AUTS2: variants seen among roughly 807,000 people sequenced by gnomAD.
AUTS2 encodes the protein autism susceptibility gene 2 protein.
In AUTS2, 17 loss-of-function variants were observed where a neutral mutation model predicts 112.4. The observed-to-expected ratio is 0.15, with a 90% CI of 0.10 to 0.23. AUTS2 has a LOEUF of 0.23. Ranked by LOEUF, AUTS2 falls within the 10% of genes least tolerant of loss-of-function variation. The pLI, the probability that AUTS2 is intolerant of heterozygous loss-of-function variation, is 1.00. For synonymous variants in AUTS2, 751 were observed against 702.7 expected (o/e 1.07, Z -1.09); for missense variants, 1,510 against 1,701.6 (o/e 0.89, Z 1.98).
chr7:70,364,003 C>A (rs1034305078), intron 4 of AUTS2, among the ~76,000 whole-genome samples: 1 of 152,140 alleles, frequency 6.6e-6, no homozygotes, highest in Non-Finnish European at 1.5e-5. Context: ...ACACAGCTAG[C>A]AGAGCACCTT....
At chr7:70,183,839 T>C (rs1176491966) in intron 4 of AUTS2, among the ~76,000 whole-genome samples, 3 of 151,698 alleles carry the variant, frequency 2.0e-5, no homozygotes, top group Non-Finnish European at 1.5e-5. Flanking sequence ...TTTTCTTTTT[T>C]TTTTTTTTTT....
intron 5 of AUTS2, among the ~76,000 whole-genome samples, chr7:70,693,599 T>C (rs1331485194): frequency 6.6e-6 from 1 of 152,250 alleles, no homozygotes; most frequent in Non-Finnish European, 1.5e-5. Context: ...GTCTCCATTT[T>C]CCACAATGCA....
chr7:70,041,996 A>G (rs535725232), intron 2 of AUTS2, among the ~76,000 whole-genome samples: 5 of 152,192 alleles, frequency 3.3e-5, no homozygotes, highest in Admixed American at 1.3e-4. Flanking sequence ...TTTCTGTTAG[A>G]AATGGCTTAT....
In AUTS2 at chr7:70,191,292, C is replaced by G. The variant is rs535293399; in HGVS notation, c.660+56721C>G. Among the ~76,000 whole-genome samples, 68 of 151,596 alleles carry G rather than the reference C, an allele frequency of 4.5e-4. 1 individual carries two copies. Among genetic ancestry groups the G allele is most frequent in the African/African-American group, 1.6e-3 (65 of 41,306 alleles). ...ACACCATTCTCCCACCTCAGCCTCC[C>G]TAGTAGCTGGGACTACAGGTGCTCG... is the stretch of plus-strand genomic sequence containing the variant. On this transcript the variant is annotated intron_variant, in intron 4 of 18. Transcript: ENST00000342771.
chr7:70,276,270 AAAAT>A (rs1313796300), intron 4 of AUTS2, among the ~76,000 whole-genome samples: 1 of 152,240 alleles, frequency 6.6e-6, no homozygotes, highest in African/African-American at 2.4e-5. Flanking sequence ...TATCAATTGT[AAAAT>A]AAATAAAATA....
rs147463851 is a variant in AUTS2 at position 70,227,651 on chromosome 7, C to T, written c.660+93080C>T. ...GTATATTCTATTTTTATTTCTATTC[C>T]GTTCAAAATATCTTCTGATCGCTCA... On this transcript the variant is annotated intron_variant, in intron 4 of 18. Coordinates refer to ENST00000342771, the MANE Select transcript of AUTS2 (RefSeq NM_015570.4). Among the ~76,000 whole-genome samples, 277 of 152,106 alleles carry T rather than the reference C, an allele frequency of 1.8e-3. 1 individual carries two copies. Among genetic ancestry groups the T allele is most frequent in the African/African-American group, 5.8e-3 (242 of 41,514 alleles).
chr7:70,156,525 A>C (rs1292505140), intron 4 of AUTS2, among the ~76,000 whole-genome samples: 1 of 152,066 alleles, frequency 6.6e-6, no homozygotes, highest in African/African-American at 2.4e-5. Context: ...ACTTTAGGTG[A>C]ACTCTCAGCT....
At chr7:69,819,458 A>C (rs1790893607) in intron 1 of AUTS2, among the ~76,000 whole-genome samples, 1 of 152,134 alleles carries the variant, frequency 6.6e-6, no homozygotes, top group Non-Finnish European at 1.5e-5. Context: ...CACTTTGTCA[A>C]CCTCTATTGT....
At chr7:69,942,643 C>T (rs1024859697) in intron 2 of AUTS2, among the ~76,000 whole-genome samples, 7 of 152,186 alleles carry the variant, frequency 4.6e-5, no homozygotes, top group Admixed American at 3.9e-4. Context: ...GGCTTTGTTC[C>T]CCCACTGGGC....
chr7:70,712,394 C>T (rs1810109844), intron 6 of AUTS2, among the ~76,000 whole-genome samples: 1 of 151,878 alleles, frequency 6.6e-6, no homozygotes, highest in Non-Finnish European at 1.5e-5. Flanking sequence ...GGTCGCAATG[C>T]TTAGTTTTAT....
chr7:69,731,184 T>C (rs1786775899), intron 1 of AUTS2, among the ~76,000 whole-genome samples: 1 of 152,086 alleles, frequency 6.6e-6, no homozygotes, highest in African/African-American at 2.4e-5. Flanking sequence ...TCTAGCTATC[T>C]GGGGAACTGA....
chr7:70,485,382 A>C (rs1229494172), intron 5 of AUTS2, among the ~76,000 whole-genome samples: 1 of 152,162 alleles, frequency 6.6e-6, no homozygotes, highest in Non-Finnish European at 1.5e-5. Context: ...GGAAAACCAA[A>C]TGCCGTATGT....
At chr7:69,668,613 TC>T (rs765122301) in intron 1 of AUTS2, among the ~76,000 whole-genome samples, 3 of 152,218 alleles carry the variant, frequency 2.0e-5, no homozygotes, top group Non-Finnish European at 2.9e-5. Flanking sequence ...TGCTTATAGT[TC>T]CTTCAAAGCT....
At chr7:70,416,791 C>T (rs1316633552) in intron 4 of AUTS2, among the ~76,000 whole-genome samples, 1 of 152,132 alleles carries the variant, frequency 6.6e-6, no homozygotes, top group Non-Finnish European at 1.5e-5. Context: ...TCTTGATTCC[C>T]AGGTGCTGGG....
intron 4 of AUTS2, among the ~76,000 whole-genome samples, chr7:70,139,393 C>G (rs376217000): frequency 6.6e-6 from 1 of 152,166 alleles, no homozygotes; most frequent in Admixed American, 6.5e-5. Context: ...ATGTAACTGC[C>G]AGAAAATATC....
intron 1 of AUTS2, among the ~76,000 whole-genome samples, chr7:69,693,003 T>C (rs900966771): frequency 6.6e-6 from 1 of 152,204 alleles, no homozygotes; most frequent in African/African-American, 2.4e-5. Context: ...ATCTCTCTCA[T>C]GGCATTTTCA....
chr7:70,640,621 C>G (rs967785995), intron 5 of AUTS2, among the ~76,000 whole-genome samples: 5 of 151,664 alleles, frequency 3.3e-5, no homozygotes, highest in Non-Finnish European at 7.4e-5. Context: ...AACTGAGACA[C>G]AGGGGCTTTC....
chr7:70,122,835 A>G (rs908878295), intron 3 of AUTS2, among the ~76,000 whole-genome samples: 2 of 141,552 alleles, frequency 1.4e-5, no homozygotes, highest in African/African-American at 2.6e-5. Flanking sequence ...GTCAAGCACT[A>G]TGGCAATCTG....
At chr7:70,120,976 T>C (rs1472843227) in intron 3 of AUTS2, among the ~76,000 whole-genome samples, 1 of 152,116 alleles carries the variant, frequency 6.6e-6, no homozygotes, top group Non-Finnish European at 1.5e-5. Flanking sequence ...ATCAAAACAG[T>C]ATGGTGCTGG....
Sources: gnomAD v4.1 joint callset for allele counts (sites outside exome capture counted in the v4.1 genomes callset) on GRCh38, gnomAD v4.1.1 for gene constraint, MANE v1.5 for transcripts, NCBI Gene and HGNC (gene_info 2026-07-23, HGNC 2026-07-21) for gene names.